Variants in MAML3 observed in about 807,000 individuals in gnomAD.
MAML3 encodes the protein mastermind-like protein 3.
Under a neutral mutation model 101.9 loss-of-function variants are expected in MAML3, and 27 were observed. The ratio of observed to expected loss-of-function variants is 0.27; its 90% CI spans 0.20 to 0.37. The LOEUF is 0.37. Among genes scored for constraint, MAML3 ranks in the 10% least tolerant of loss-of-function variants. The pLI is 1.00. For missense variants in MAML3, 1,316 were observed against 1,444.9 expected (o/e 0.91, Z 1.45); for synonymous variants, 501 against 555.9 (o/e 0.90, Z 1.39).
At chr4:140,106,592 A>C (rs1728356352) in intron 1 of MAML3, among the ~76,000 whole-genome samples, 1 of 152,216 alleles carries the variant, frequency 6.6e-6, no homozygotes, top group Admixed American at 6.5e-5. Context: ...CTAAAGTACT[A>C]GGATTTAAAA....
chr4:139,761,734 G>A (rs1007199261), intron 2 of MAML3, among the ~76,000 whole-genome samples: 4 of 151,976 alleles, frequency 2.6e-5, no homozygotes, highest in Non-Finnish European at 5.9e-5. Context: ...CCTGTGAAAC[G>A]GTGAGGCAAG....
At position 139,890,869 on chromosome 4, in the gene MAML3, G is replaced by C; in HGVS notation, c.567C>G (p.Ser189Arg). ...CAGAAATGTCCTTTCGAATTCGTTTGCTAGTCGGAGAAAAATTCCCATCAC... is the reference window on the plus strand; with the variant it reads ...CAGAAATGTCCTTTCGAATTCGTTTCCTAGTCGGAGAAAAATTCCCATCAC... ...GACDGNFSPT[S>R]KRIRKDISAG... Residue 189 changes from serine (S) to arginine (R), a missense_variant, in exon 2 of 5, where the codon AGC (serine) becomes AGG (arginine). Transcript: ENST00000509479. The surrounding 1 kb of genome is among the most constrained non-coding windows in gnomAD (Gnocchi z 4.1). 6.2e-7 allele frequency: 1 copy of C among 1,613,818 alleles called. No homozygotes were observed. Among genetic ancestry groups the C allele is most frequent in the African/African-American group, 1.3e-5 (1 of 75,064 alleles).
intron 1 of MAML3, among the ~76,000 whole-genome samples, chr4:140,030,630 T>A (rs1276290099): frequency 6.6e-6 from 1 of 152,168 alleles, no homozygotes; most frequent in Non-Finnish European, 1.5e-5. Context: ...TCATCTCACT[T>A]CTTTCCCTTC....
chr4:139,933,949 G>A (rs1733454424), intron 1 of MAML3, among the ~76,000 whole-genome samples: 1 of 152,146 alleles, frequency 6.6e-6, no homozygotes, highest in Non-Finnish European at 1.5e-5. Flanking sequence ...GTGAATATGT[G>A]TGAATGTGTA....
intron 1 of MAML3, among the ~76,000 whole-genome samples, chr4:140,067,432 G>T (rs572825576): frequency 6.2e-4 from 94 of 152,234 alleles, no homozygotes; most frequent in African/African-American, 2.2e-3. Context: ...GACAGCATAC[G>T]TATTATTTAC....
At chr4:139,969,869 G>A (rs1029396900) in intron 1 of MAML3, among the ~76,000 whole-genome samples, 1 of 152,190 alleles carries the variant, frequency 6.6e-6, no homozygotes, top group Non-Finnish European at 1.5e-5. Context: ...TGTTTCCAAG[G>A]TGAAGCACCT....
chr4:140,088,073 T>G (rs1441894971), intron 1 of MAML3, among the ~76,000 whole-genome samples: 5 of 151,862 alleles, frequency 3.3e-5, no homozygotes, highest in Non-Finnish European at 1.5e-5. Flanking sequence ...CAAAAAAAAT[T>G]TAAAAAATTA....
intron 1 of MAML3, among the ~76,000 whole-genome samples, chr4:139,916,329 CTGT>C (rs1733027861): frequency 6.6e-6 from 1 of 152,238 alleles, no homozygotes; most frequent in South Asian, 2.1e-4. Flanking sequence ...CCTATGAGGG[CTGT>C]TGTTCTTTCA....
chr4:139,811,697 C>T (rs892318251), intron 2 of MAML3, among the ~76,000 whole-genome samples: 9 of 152,174 alleles, frequency 5.9e-5, no homozygotes, highest in Non-Finnish European at 8.8e-5. Flanking sequence ...TGCAGTTAAA[C>T]ATTGAGGACT....
At chr4:140,111,535 T>G (rs767409284) in intron 1 of MAML3, among the ~76,000 whole-genome samples, 6 of 152,222 alleles carry the variant, frequency 3.9e-5, no homozygotes, top group Non-Finnish European at 5.9e-5. Flanking sequence ...GTGTGTGGAT[T>G]TCACTTAGTC....
intron 2 of MAML3, among the ~76,000 whole-genome samples, chr4:139,780,379 T>G (rs961980629): frequency 1.3e-5 from 2 of 152,188 alleles, no homozygotes; most frequent in African/African-American, 4.8e-5. Flanking sequence ...TGCATCTACC[T>G]AGAAAGCAGA....
At chr4:140,035,616 G>A (rs1578652922) in intron 1 of MAML3, among the ~76,000 whole-genome samples, 1 of 151,912 alleles carries the variant, frequency 6.6e-6, no homozygotes, top group East Asian at 2.0e-4. Context: ...CTAACACAGT[G>A]AAAACCCGTC....
rs544988062 is a variant in MAML3 at position 139,912,781 on chromosome 4, T to G, written c.469-21814A>C. Among the ~76,000 whole-genome samples, 4 of 151,978 alleles carry G rather than the reference T, an allele frequency of 2.6e-5. No individual in the cohort carries two copies. In the East Asian group the frequency reaches 7.7e-4, roughly 29 times the overall value. ...ACAAACTTCTGGAAACCAAGAAGAG[T>G]TAAGGAAGGATTCTCTGCAGAGTCT... On this transcript the variant is annotated intron_variant, in intron 1 of 4. Transcript: ENST00000509479.
chr4:139,921,704 T>C (rs545237953), intron 1 of MAML3, among the ~76,000 whole-genome samples: 4 of 152,210 alleles, frequency 2.6e-5, no homozygotes, highest in South Asian at 4.1e-4. Flanking sequence ...ATTCCTCCAC[T>C]TTCCCTGGAG....
intron 1 of MAML3, among the ~76,000 whole-genome samples, chr4:140,088,493 T>C (rs1228976260): frequency 6.6e-6 from 1 of 152,224 alleles, no homozygotes; most frequent in Non-Finnish European, 1.5e-5. Flanking sequence ...GCTCCACGGT[T>C]TGGGCCTTCC....
intron 2 of MAML3, among the ~76,000 whole-genome samples, chr4:139,759,231 G>T (rs1012727729): frequency 6.6e-6 from 1 of 152,350 alleles, no homozygotes; most frequent in African/African-American, 2.4e-5. Flanking sequence ...GAGAAGAGCC[G>T]CAGCAGAAGA....
At chr4:139,823,638 T>C (rs1731012065) in intron 2 of MAML3, among the ~76,000 whole-genome samples, 1 of 152,060 alleles carries the variant, frequency 6.6e-6, no homozygotes, top group African/African-American at 2.4e-5. Context: ...TGGATCATCA[T>C]TCCGCCTTCC....
intron 2 of MAML3, among the ~76,000 whole-genome samples, chr4:139,747,879 C>A (rs1386014457): frequency 6.6e-6 from 1 of 151,320 alleles, no homozygotes; most frequent in African/African-American, 2.4e-5. Context: ...TACAGTGAAA[C>A]CCCATCTCTA....
At position 139,719,755 on chromosome 4, in the gene MAML3, C is replaced by T. The variant is rs375651551; in HGVS notation, c.2985G>A (p.Pro995=). Residue 995 remains proline, a synonymous_variant, in exon 5 of 5, where the codon CCG becomes CCA. Transcript: ENST00000509479. The part of the protein sequence containing the change: ...GASYPLQAGQ[P]RLTKQHFPQG... ...GTGGGAAGTGCTGCTTGGTCAGTCT[C>T]GGCTGCCCAGCTTGAAGAGGGTAGC... The T allele has an allele frequency of 1.3e-5, 21 of 1,613,594 alleles. No individual in the cohort carries two copies. Among genetic ancestry groups the T allele is most frequent in the South Asian group, 2.2e-5 (2 of 91,068 alleles).
Sources: allele counts gnomAD v4.1 joint callset (sites outside exome capture counted in the v4.1 genomes callset), GRCh38; gene constraint gnomAD v4.1.1; non-coding constraint Gnocchi (gnomAD v3.1); transcripts MANE v1.5; gene names NCBI Gene and HGNC (gene_info 2026-07-23, HGNC 2026-07-21).